Variants in PGM5 observed in about 807,000 individuals in gnomAD.
PGM5 encodes phosphoglucomutase-like protein 5.
A neutral mutation model predicts 59.2 loss-of-function variants in PGM5; 23 were observed. That is an observed-to-expected ratio of 0.39 (90% CI 0.28 to 0.55). The LOEUF (loss-of-function observed/expected upper bound fraction) is 0.55, where lower values mean the gene tolerates loss of function less well. PGM5 is among the 20% of genes least tolerant of loss of function. The pLI, the probability that PGM5 is intolerant of heterozygous loss-of-function variation, is 0.66. For missense variants in PGM5, 574 were observed against 748.3 expected, an observed-to-expected ratio of 0.77 and a Z score of 2.72; for synonymous variants, 214 against 286.0, an observed-to-expected ratio of 0.75 and a Z score of 2.54.
At position 68,496,828 on chromosome 9, in the gene PGM5, C is replaced by T. The variant is rs1043332163; in HGVS notation, c.1480-2399C>T. On this transcript the variant is annotated intron_variant, in intron 9 of 10. Coordinates refer to ENST00000396396, the MANE Select transcript of PGM5 (RefSeq NM_021965.4). ...GTTAATTGTTTAATGGGAGGTACTTCAAAGGGTTGAGTCTGGGGGCTCATC... is the reference window on the plus strand; with the variant it reads ...GTTAATTGTTTAATGGGAGGTACTTTAAAGGGTTGAGTCTGGGGGCTCATC... 32 of 152,298 alleles carry T rather than the reference C, an allele frequency of 2.1e-4. 1 individual carries two copies. Among genetic ancestry groups the T allele is most frequent in the African/African-American group, 7.7e-4 (32 of 41,560 alleles). The allele number at this position is 152,298 out of a possible 1,614,324, so 9.4% of individuals were successfully genotyped here.
intron 6 of PGM5, among the ~76,000 whole-genome samples, chr9:68,425,121 A>C (rs1422704353): frequency 3.3e-5 from 5 of 152,192 alleles, no homozygotes; most frequent in African/African-American, 1.2e-4. Context: ...TGCTCTTTCT[A>C]GTATAAGTCA....
intron 6 of PGM5, chr9:68,400,783 CGCTCTTAGCAAATACA>C (rs1822647062): frequency 1.3e-5 from 2 of 152,466 alleles, no homozygotes; most frequent in South Asian, 4.1e-4. Flanking sequence ...TGGGTACTGA[CGCTCTTAGCAAATACA>C]GCTTAATCAA....
intron 6 of PGM5, among the ~76,000 whole-genome samples, chr9:68,406,680 A>G (rs1197375908): frequency 1.4e-4 from 5 of 34,788 alleles, no homozygotes; most frequent in African/African-American, 7.2e-4. Context: ...ATATATATGT[A>G]TATATATATA....
chr9:68,441,290 G>A (rs1382994831), intron 6 of PGM5, among the ~76,000 whole-genome samples: 2 of 151,888 alleles, frequency 1.3e-5, no homozygotes, highest in Non-Finnish European at 2.9e-5. Context: ...TATGAGGCTA[G>A]CATTACCTGA....
intron 10 of PGM5, among the ~76,000 whole-genome samples, chr9:68,526,688 G>A (rs566650044): frequency 3.5e-4 from 54 of 152,126 alleles, no homozygotes; most frequent in African/African-American, 1.2e-3. Context: ...GGGAACTTAA[G>A]GACAATTGTG....
chr9:68,397,886 A>G (rs1477123806), intron 6 of PGM5: 3 of 152,234 alleles, frequency 2.0e-5, no homozygotes, highest in Non-Finnish European at 2.9e-5. Context: ...GAAAACACTT[A>G]TTCCTCAGAA....
At chr9:68,390,246 G>T (rs1822330543) in intron 4 of PGM5, among the ~76,000 whole-genome samples, 1 of 152,098 alleles carries the variant, frequency 6.6e-6, no homozygotes, top group Non-Finnish European at 1.5e-5. Context: ...AGAACTTTCA[G>T]GTTCTTGCCT....
intron 6 of PGM5, among the ~76,000 whole-genome samples, chr9:68,423,589 T>G (rs1310651094): frequency 6.6e-6 from 1 of 151,974 alleles, no homozygotes; most frequent in Non-Finnish European, 1.5e-5. Flanking sequence ...TCTCTTCCCC[T>G]GGAATGGCAG....
chr9:68,522,420 C>A (rs556250443), intron 10 of PGM5, among the ~76,000 whole-genome samples: 1 of 152,220 alleles, frequency 6.6e-6, no homozygotes, highest in East Asian at 1.9e-4. Flanking sequence ...GGGAGAAGGA[C>A]CCACCAACAA....
rs1024875794 is a variant in PGM5 at position 68,483,938 on chromosome 9, A to T, written c.1369A>T (p.Lys457Ter). ...GGACCTGGAGGCCCTGGTCACAGAC[A>T]AATCCTTCATTGGCCAGCAGTTTGC... ...MRDLEALVTD[K>*]SFIGQQFAVG... The change falls in exon 9 of 11, where the codon AAA (lysine) becomes TAA (stop). Residue 457 changes from lysine to a stop codon, truncating the protein, a stop_gained. Coordinates refer to ENST00000396396, the MANE Select transcript of PGM5 (RefSeq NM_021965.4). LOFTEE classifies it high-confidence loss of function. The T allele has an allele frequency of 3.1e-6, 5 of 1,614,068 alleles. No homozygotes were observed. In the African/African-American group the frequency reaches 5.3e-5, roughly 17 times the overall value.
Position 68,483,380 on chromosome 9 carries a change from G to T in PGM5, c.1296-485G>T, listed in dbSNP as rs550013418. On this transcript the variant is annotated intron_variant, in intron 8 of 10. Transcript: ENST00000396396. ...GGGTTTGAAAATGGAAGGAAAGAAC[G>T]AGCCTGGTATTTGAAGAGCTGGCAG... is the stretch of plus-strand genomic sequence containing the variant. Among the ~76,000 whole-genome samples, 14 of 152,256 alleles carry T rather than the reference G, an allele frequency of 9.2e-5. No homozygotes were observed. In the South Asian group the frequency reaches 2.9e-3, roughly 32 times the overall value.
At chr9:68,491,668 C>T (rs967974091) in intron 9 of PGM5, among the ~76,000 whole-genome samples, 1 of 152,140 alleles carries the variant, frequency 6.6e-6, no homozygotes, top group Non-Finnish European at 1.5e-5. Context: ...AGGCCAAACG[C>T]ATATTCAGTA....
At chr9:68,475,824 C>T (rs1466523714) in intron 7 of PGM5, among the ~76,000 whole-genome samples, 1 of 152,078 alleles carries the variant, frequency 6.6e-6, no homozygotes, top group African/African-American at 2.4e-5. Context: ...AACAATTAAG[C>T]CTGGGCAACA....
At chr9:68,468,572 C>T (rs1342476458) in intron 7 of PGM5, among the ~76,000 whole-genome samples, 1 of 152,078 alleles carries the variant, frequency 6.6e-6, no homozygotes, top group Non-Finnish European at 1.5e-5. Context: ...GACAGAGTAC[C>T]AGGCATTGTG....
At chr9:68,422,684 A>C (rs1468978710) in intron 6 of PGM5, among the ~76,000 whole-genome samples, 1 of 152,206 alleles carries the variant, frequency 6.6e-6, no homozygotes, top group African/African-American at 2.4e-5. Context: ...ACAATAAGAA[A>C]ATAAGTAATG....
At chr9:68,374,204 A>G (rs1408521417) in intron 1 of PGM5, among the ~76,000 whole-genome samples, 1 of 152,220 alleles carries the variant, frequency 6.6e-6, no homozygotes, top group African/African-American at 2.4e-5. Flanking sequence ...TTTGAACAAA[A>G]GCTACAAACA....
chr9:68,407,008 C>T (rs1176172486), intron 6 of PGM5, among the ~76,000 whole-genome samples: 1 of 151,702 alleles, frequency 6.6e-6, no homozygotes, highest in African/African-American at 2.4e-5. Context: ...GCTGTGTGAA[C>T]CTCACATATC....
intron 9 of PGM5, among the ~76,000 whole-genome samples, chr9:68,495,428 G>A (rs1316822754): frequency 2.0e-5 from 3 of 152,134 alleles, no homozygotes; most frequent in African/African-American, 2.4e-5. Flanking sequence ...TAGTTACAAA[G>A]TTCTTATTGT....
chr9:68,449,619 G>C (rs1367255094), intron 6 of PGM5, among the ~76,000 whole-genome samples: 1 of 152,102 alleles, frequency 6.6e-6, no homozygotes. Flanking sequence ...ATCATGTGTC[G>C]CAACTGCCCC....
Sources: gnomAD v4.1 joint callset for allele counts (sites outside exome capture counted in the v4.1 genomes callset) on GRCh38, gnomAD v4.1.1 for gene constraint, MANE v1.5 for transcripts, NCBI Gene and HGNC (gene_info 2026-07-23, HGNC 2026-07-21) for gene names.